LRBA: variants seen among roughly 807,000 people sequenced by gnomAD.
LRBA encodes the protein LPS responsive beige-like anchor protein.
In LRBA, 176 loss-of-function variants were observed where a neutral mutation model predicts 330.0. The observed-to-expected ratio is 0.53, with a 90% CI of 0.47 to 0.60. The LOEUF (loss-of-function observed/expected upper bound fraction) is 0.60, where lower values mean the gene tolerates loss of function less well. Among genes scored for constraint, LRBA ranks in the 20% least tolerant of loss-of-function variants. LRBA has a pLI of 0.00. For synonymous variants in LRBA, 1,230 were observed against 1,193.0 expected (o/e 1.03, Z -0.64); for missense variants, 3,259 against 3,444.8 (o/e 0.95, Z 1.35).
chr4:150,805,333 GGA>G, intron 33 of LRBA, among the ~76,000 whole-genome samples: 6 of 123,268 alleles, frequency 4.9e-5, no homozygotes, highest in African/African-American at 2.0e-4. Flanking sequence ...GGAAAGGAAA[GGA>G]AAGGAGAAGG....
intron 48 of LRBA, among the ~76,000 whole-genome samples, chr4:150,343,732 G>A (rs1056691237): frequency 3.9e-5 from 6 of 152,036 alleles, no homozygotes; most frequent in African/African-American, 7.2e-5. Context: ...ACACACAGGC[G>A]TGCACACACA....
chr4:150,726,594 C>T lies in LRBA; in HGVS notation c.5754+8664G>A, dbSNP rs148815608. Among the ~76,000 whole-genome samples the T allele has an allele frequency of 1.7e-4, 26 of 152,134 alleles. No individual in the cohort carries two copies. In the East Asian group the frequency reaches 3.9e-3, roughly 23 times the overall value. On this transcript the variant is annotated intron_variant, in intron 36 of 56. Coordinates refer to ENST00000651943, the MANE Select transcript of LRBA (RefSeq NM_001364905.1). ...GCCTCAGGAAACTTACAATCATGGT[C>T]GAAGGGGAAACTGGCACCTTCTTCA...
chr4:150,538,574 G>A (rs1173570813), intron 40 of LRBA, among the ~76,000 whole-genome samples: 1 of 152,058 alleles, frequency 6.6e-6, no homozygotes, highest in Non-Finnish European at 1.5e-5. Context: ...TTCATAAATG[G>A]GAGTTAAACA....
intron 49 of LRBA, among the ~76,000 whole-genome samples, chr4:150,323,025 G>GTGTGTATGTGTGTGTGTGTT (rs373782725): frequency 7.0e-6 from 1 of 142,544 alleles, no homozygotes; most frequent in Non-Finnish European, 1.5e-5. Flanking sequence ...GTGTGTGTGT[G>GTGTGTATGTGTGTGTGTGTT]GGGATGCATT....
intron 42 of LRBA, among the ~76,000 whole-genome samples, chr4:150,474,497 C>G (rs1439458894): frequency 6.6e-6 from 1 of 152,096 alleles, no homozygotes; most frequent in Non-Finnish European, 1.5e-5. Flanking sequence ...TACTCTAGGT[C>G]CATTGCATTT....
intron 2 of LRBA, among the ~76,000 whole-genome samples, chr4:150,998,528 G>GT (rs1331310149): frequency 1.1e-4 from 16 of 151,822 alleles, no homozygotes; most frequent in Non-Finnish European, 2.1e-4. Context: ...TGATTTTTTT[G>GT]TTTTTTTGTA....
At chr4:150,965,622 C>T (rs538112167) in intron 2 of LRBA, among the ~76,000 whole-genome samples, 166 of 152,196 alleles carry the variant, frequency 1.1e-3, no homozygotes, top group Non-Finnish European at 1.7e-3. Context: ...TCACTGTAGC[C>T]ACAACCTCCT....
At chr4:150,869,794 C>G (rs1479998657) in intron 20 of LRBA, among the ~76,000 whole-genome samples, 1 of 152,090 alleles carries the variant, frequency 6.6e-6, no homozygotes, top group Non-Finnish European at 1.5e-5. Context: ...TAGGCTCATG[C>G]CTGTAATACC....
intron 33 of LRBA, among the ~76,000 whole-genome samples, chr4:150,802,003 CTATA>C (rs1741679769): frequency 3.8e-5 from 5 of 132,046 alleles, no homozygotes; most frequent in South Asian, 2.6e-4. Flanking sequence ...AAACCCATCT[CTATA>C]AATAAATAAA....
intron 44 of LRBA, among the ~76,000 whole-genome samples, chr4:150,449,748 A>C (rs1288384104): frequency 6.6e-6 from 1 of 152,104 alleles, no homozygotes; most frequent in Non-Finnish European, 1.5e-5. Context: ...CCCCACACTA[A>C]CTACCTGACA....
intron 40 of LRBA, among the ~76,000 whole-genome samples, chr4:150,559,843 T>C (rs1285391901): frequency 1.3e-5 from 1 of 75,552 alleles, no homozygotes; most frequent in Non-Finnish European, 2.4e-5. Flanking sequence ...ATATAATATA[T>C]ATAATAATAT....
intron 52 of LRBA, among the ~76,000 whole-genome samples, chr4:150,308,122 A>G (rs1410916653): frequency 6.6e-6 from 1 of 152,254 alleles, no homozygotes; most frequent in African/African-American, 2.4e-5. Flanking sequence ...TTTTAATTTA[A>G]AAGATTTTTC....
intron 2 of LRBA, among the ~76,000 whole-genome samples, chr4:150,965,690 C>A (rs564044848): frequency 6.6e-6 from 1 of 151,786 alleles, no homozygotes; most frequent in African/African-American, 2.4e-5. Context: ...TAGGCACATA[C>A]GACCATGCCC....
At chr4:150,334,539 T>C (rs1230096681) in intron 48 of LRBA, among the ~76,000 whole-genome samples, 1 of 152,134 alleles carries the variant, frequency 6.6e-6, no homozygotes, top group Non-Finnish European at 1.5e-5. Context: ...ACATGTGTTA[T>C]GTGCATACAT....
intron 36 of LRBA, among the ~76,000 whole-genome samples, chr4:150,690,577 C>T (rs994580262): frequency 6.7e-6 from 1 of 149,964 alleles, no homozygotes; most frequent in African/African-American, 2.4e-5. Flanking sequence ...CCCTTCCCAC[C>T]ATATTATAAA....
chr4:150,581,211 C>A, intron 40 of LRBA: 1 of 317,728 alleles, frequency 3.1e-6, no homozygotes, highest in Non-Finnish European at 6.3e-6. Context: ...ACATGTGAAT[C>A]TTAATTATGA....
chr4:150,868,846 G>C (rs1482546870), intron 20 of LRBA, among the ~76,000 whole-genome samples: 4 of 152,068 alleles, frequency 2.6e-5, no homozygotes, highest in African/African-American at 9.7e-5. Flanking sequence ...GGTGAGACAG[G>C]TGAATCGCTT....
At chr4:150,909,015 A>G (rs574244576) in intron 9 of LRBA, among the ~76,000 whole-genome samples, 158 bp from the exon 10 acceptor site, 49 of 152,362 alleles carry the variant, frequency 3.2e-4, no homozygotes, top group African/African-American at 1.2e-3. Context: ...GGCTGAATTT[A>G]AAGATATAAT....
chr4:150,842,258 T>C (rs572585709), intron 28 of LRBA, among the ~76,000 whole-genome samples: 1 of 152,174 alleles, frequency 6.6e-6, no homozygotes, highest in Admixed American at 6.5e-5. Context: ...TATTAGAGAA[T>C]TCTGAAAGAA....
Sources: gnomAD v4.1 joint callset for allele counts (sites outside exome capture counted in the v4.1 genomes callset) on GRCh38, gnomAD v4.1.1 for gene constraint, MANE v1.5 for transcripts, NCBI Gene and HGNC (gene_info 2026-07-23, HGNC 2026-07-21) for gene names.